Variants in TMEM62 observed in about 807,000 individuals in gnomAD.
TMEM62 encodes the protein transmembrane protein 62.
A neutral mutation model predicts 70.4 loss-of-function variants in TMEM62; 41 were observed. The ratio of observed to expected loss-of-function variants is 0.58; its 90% confidence interval spans 0.45 to 0.76. The LOEUF is 0.76. Ranked by LOEUF, TMEM62 falls within the 30% of genes least tolerant of loss-of-function variation. TMEM62 has a pLI of 0.00. For synonymous variants in TMEM62, 268 were observed against 291.0 expected (o/e 0.92, Z 0.80); for missense variants, 688 against 788.5 (o/e 0.87, Z 1.53).
intron 4 of TMEM62, among the ~76,000 whole-genome samples, chr15:43,145,089 G>A (rs2036493688): frequency 1.1e-5 from 1 of 92,000 alleles, no homozygotes; most frequent in South Asian, 5.1e-4. Flanking sequence ...GGGCGACAGA[G>A]TGAGACTCCG....
Position 43,184,873 on chromosome 15 carries a change from T to C in TMEM62, c.*287T>C. The C allele has an allele frequency of 2.2e-6, 1 of 462,388 alleles. No homozygotes were observed. Among genetic ancestry groups the C allele is most frequent in the Non-Finnish European group, 3.9e-6 (1 of 256,366 alleles). The allele number at this position is 462,388 out of a possible 1,614,324, so 28.6% of individuals were successfully genotyped here. A position where few individuals can be genotyped will look rare whatever the true frequency, so the allele number is the denominator to read the frequency against. ...ACCCTTATCTAGGACATCCACAGGGTAGAGGTTGGGTGTGTGTACGGGAGT... is the reference window on the plus strand; with the variant it reads ...ACCCTTATCTAGGACATCCACAGGGCAGAGGTTGGGTGTGTGTACGGGAGT... On this transcript the variant is annotated 3_prime_UTR_variant, in exon 14 of 14. Coordinates refer to ENST00000260403, the MANE Select transcript of TMEM62 (RefSeq NM_024956.4).
intron 10 of TMEM62, among the ~76,000 whole-genome samples, chr15:43,166,657 C>G (rs2141922191): frequency 6.6e-6 from 1 of 151,306 alleles, no homozygotes; most frequent in East Asian, 2.0e-4. Flanking sequence ...AGCAGATAAA[C>G]AAGTGAACAA....
intron 13 of TMEM62, among the ~76,000 whole-genome samples, chr15:43,183,377 G>T (rs1364362240): frequency 6.6e-6 from 1 of 152,168 alleles, no homozygotes; most frequent in East Asian, 1.9e-4. Flanking sequence ...TTACTTTTCA[G>T]CTTGAAATGC....
Position 43,184,318 on chromosome 15 carries a change from G to A in TMEM62, c.1664G>A (p.Cys555Tyr), listed in dbSNP as rs1327923674. The A allele has an allele frequency of 3.7e-6, 6 of 1,614,184 alleles. No homozygotes were observed. Among genetic ancestry groups the A allele is most frequent in the African/African-American group, 1.3e-5 (1 of 75,056 alleles). Residue 555 changes from cysteine to tyrosine, a missense_variant, in exon 14 of 14, where the codon TGC becomes TAC. Cys to Tyr is a radical substitution (Grantham distance 194). Coordinates refer to ENST00000260403, the MANE Select transcript of TMEM62 (RefSeq NM_024956.4). ...ATGTGTTGGAGCTTGCTGCAGCGGT[G>A]CTTTGGTCACAACTTCAGGTCTCAT... ...AYMCWSLLQRCFGHNFRSHLH... is the reference protein window; with the variant it reads ...AYMCWSLLQRYFGHNFRSHLH...
chr15:43,146,642 A>G lies in TMEM62; in HGVS notation c.618+8A>G, dbSNP rs755087334. ...TTTGGAATTTTAGATAAGGTGCAGT[A>G]AAAATCTTACTTCCCTTTGTAGCTT... is the stretch of plus-strand genomic sequence containing the variant. On this transcript the variant is annotated splice_region_variant and intron_variant, in intron 5 of 13. Transcript: ENST00000260403. 1.2e-6 allele frequency: 2 copies of G among 1,603,152 alleles called. No homozygotes were observed. The highest frequency in any genetic ancestry group is 1.8e-5 in the Admixed American group (1 of 57,024).
intron 9 of TMEM62, among the ~76,000 whole-genome samples, chr15:43,159,506 G>C (rs188204647): frequency 1.3e-5 from 2 of 152,246 alleles, no homozygotes; most frequent in African/African-American, 4.8e-5. Flanking sequence ...TTGTCTTTCT[G>C]TCCCTGGCTT....
intron 4 of TMEM62, among the ~76,000 whole-genome samples, chr15:43,141,734 G>C (rs10851414): frequency 0.53 from 80,198 of 152,136 alleles, 25,692 homozygotes; most frequent in Non-Finnish European, 0.68. Flanking sequence ...CACCATTCTA[G>C]ATGCCATTAA....
intron 4 of TMEM62, among the ~76,000 whole-genome samples, chr15:43,143,688 T>C (rs1350577597): frequency 2.6e-5 from 4 of 152,232 alleles, no homozygotes; most frequent in Admixed American, 2.6e-4. Context: ...TGCTTTATCT[T>C]TTCATCCTGT....
At chr15:43,165,947 G>C (rs1243554535) in intron 10 of TMEM62, among the ~76,000 whole-genome samples, 1 of 152,128 alleles carries the variant, frequency 6.6e-6, no homozygotes, top group African/African-American at 2.4e-5. Context: ...GTGAGGTCAT[G>C]TTTTCCTGGA....
chr15:43,173,897 C>T (rs542181604), intron 11 of TMEM62, among the ~76,000 whole-genome samples: 16 of 145,142 alleles, frequency 1.1e-4, no homozygotes, highest in African/African-American at 3.8e-4. Flanking sequence ...TCGCTGTGAA[C>T]CCCAAGCTGG....
chr15:43,153,658 T>TTG (rs71431882), intron 8 of TMEM62, among the ~76,000 whole-genome samples: 3,023 of 149,778 alleles, frequency 0.02, 61 homozygotes, highest in African/African-American at 0.049. Flanking sequence ...CCATTGTACA[T>TTG]TGTGTGTGTG....
Position 43,184,451 on chromosome 15 carries a change from C to G in TMEM62, c.1797C>G (p.Thr599=), listed in dbSNP as rs2041705651. The G allele has an allele frequency of 1.2e-6, 2 of 1,614,198 alleles. No homozygotes were observed. Among genetic ancestry groups the G allele is most frequent in the Non-Finnish European group, 1.7e-6 (2 of 1,180,046 alleles). ...SCYFLYATYG[T]LAFLFSPLRT... Reference sequence around the variant, plus strand: ...ACTTTCTTTATGCAACATACGGCACCCTAGCTTTTTTATTCTCCCCTTTGC... The same window carrying G: ...ACTTTCTTTATGCAACATACGGCACGCTAGCTTTTTTATTCTCCCCTTTGC... The change falls in exon 14 of 14, where the codon ACC becomes ACG. Residue 599 remains threonine (T), a synonymous_variant. Transcript: ENST00000260403.
At chr15:43,139,307 G>C (rs2035682246) in intron 4 of TMEM62, among the ~76,000 whole-genome samples, 1 of 152,124 alleles carries the variant, frequency 6.6e-6, no homozygotes, top group South Asian at 2.1e-4. Context: ...CCAATCAGCT[G>C]TTCTCCCATC....
Position 43,184,607 on chromosome 15 carries a change from C to G in TMEM62, c.*21C>G. On this transcript the variant is annotated 3_prime_UTR_variant, in exon 14 of 14. Coordinates refer to ENST00000260403, the MANE Select transcript of TMEM62 (RefSeq NM_024956.4). The stretch of plus-strand genomic sequence containing the variant: ...CCTGAAGGCCATGTCTCACCACTGG[C>G]AGCTGGGCAGAAGCCCAGCCTCTGT... 2 of 1,599,324 alleles carry G rather than the reference C, an allele frequency of 1.3e-6. No individual in the cohort carries two copies. Among genetic ancestry groups the G allele is most frequent in the Non-Finnish European group, 8.5e-7 (1 of 1,175,462 alleles).
At chr15:43,147,429 A>G (rs1429777321) in intron 5 of TMEM62, among the ~76,000 whole-genome samples, 1 of 152,242 alleles carries the variant, frequency 6.6e-6, no homozygotes, top group Non-Finnish European at 1.5e-5. Flanking sequence ...TCATTATTTA[A>G]TAAGCATATG....
At chr15:43,161,004 TTTTA>T (rs1479895832) in intron 10 of TMEM62, among the ~76,000 whole-genome samples, 1 of 152,138 alleles carries the variant, frequency 6.6e-6, no homozygotes. Flanking sequence ...AATTGTTCTA[TTTTA>T]TTATTATTGT....
rs182758567 is a variant in TMEM62, at chr15:43,169,940, A to G, written c.1381+263A>G. On this transcript the variant is annotated intron_variant, in intron 11 of 13. Transcript: ENST00000260403. ...CATTGCTTCGGCCCCAAAAGTTGGGATATCTTGAAGTGGGGGCTTACAGGT... is the reference window on the plus strand; with the variant it reads ...CATTGCTTCGGCCCCAAAAGTTGGGGTATCTTGAAGTGGGGGCTTACAGGT... 6.5e-3 allele frequency: 1,954 copies of G among 301,480 alleles called. 16 individuals are homozygous for G. Among genetic ancestry groups the G allele is most frequent in the Non-Finnish European group, 9.1e-3 (1,498 of 164,096 alleles). The allele number at this position is 301,480 out of a possible 1,614,324, so 18.7% of individuals were successfully genotyped here.
intron 10 of TMEM62, among the ~76,000 whole-genome samples, chr15:43,167,288 G>A (rs954351651): frequency 2.0e-5 from 3 of 151,566 alleles, no homozygotes; most frequent in African/African-American, 4.8e-5. Flanking sequence ...CCTCCCGGAC[G>A]GGGTGGCTGC....
chr15:43,149,174 G>C (rs780706370), intron 7 of TMEM62, 23 bp downstream of exon 7: 6 of 1,612,016 alleles, frequency 3.7e-6, no homozygotes, highest in Non-Finnish European at 4.2e-6. Flanking sequence ...CCCCATAGAA[G>C]AAAACTTATA....
Sources: allele counts gnomAD v4.1 joint callset (sites outside exome capture counted in the v4.1 genomes callset), GRCh38; gene constraint gnomAD v4.1.1; transcripts MANE v1.5; gene names NCBI Gene and HGNC (gene_info 2026-07-23, HGNC 2026-07-21).